The following SMARCD2 variants were observed in gnomAD, a reference collection of about 807,000 sequenced individuals.
SMARCD2 encodes SWI/SNF-related matrix-associated actin-dependent regulator of chromatin subfamily D member 2.
In SMARCD2, 39 loss-of-function variants were observed where a neutral mutation model predicts 70.4. The observed-to-expected ratio is 0.55, with a 90% confidence interval of 0.43 to 0.72. SMARCD2 has a LOEUF of 0.72. Ranked by LOEUF, SMARCD2 falls within the 30% of genes least tolerant of loss-of-function variation. The probability of loss-of-function intolerance (pLI) is 0.00; values close to 1 mark genes in which losing one functional copy is unlikely to be tolerated. For synonymous variants in SMARCD2, 249 were observed against 279.4 expected (o/e 0.89, Z 1.08); for missense variants, 540 against 713.4 (o/e 0.76, Z 2.77).
Position 63,837,770 on chromosome 17 carries a change from A to T in SMARCD2, c.217-145T>A. ...TGCTGGAGCCCCAGGAACAAAGGGG[A>T]GTGGGCGCCTGAGCACAGAGTGTAA... On this transcript the variant is annotated intron_variant, in intron 1 of 12. Coordinates refer to ENST00000448276, the MANE Select transcript of SMARCD2 (RefSeq NM_001098426.2). This position sits in a 1 kb window ranked among gnomAD's most constrained non-coding sequence, Gnocchi z 6.4. The T allele has an allele frequency of 1.5e-6, 1 of 673,556 alleles. No individual in the cohort carries two copies. The highest frequency in any genetic ancestry group is 2.8e-5 in the East Asian group (1 of 35,634). 41.7% of individuals were successfully genotyped at this position (673,556 alleles called of 1,614,324 possible).
chr17:63,837,705 C>T lies in SMARCD2; in HGVS notation c.217-80G>A. The T allele has an allele frequency of 8.2e-7, 1 of 1,221,816 alleles. No homozygotes were observed. Among genetic ancestry groups the T allele is most frequent in the Admixed American group, 2.3e-5 (1 of 43,198 alleles). 75.7% of individuals were successfully genotyped at this position (1,221,816 alleles called of 1,614,324 possible). On this transcript the variant is annotated intron_variant, in intron 1 of 12. Coordinates refer to ENST00000448276, the MANE Select transcript of SMARCD2 (RefSeq NM_001098426.2). This position sits in a 1 kb window ranked among gnomAD's most constrained non-coding sequence, Gnocchi z 6.4. ...CCCATAGCCCATGCCCTCCATCCCT[C>T]TCGTCAGCCAGGTAGGGCCTGAGCA...
At position 63,834,736 on chromosome 17, in the gene SMARCD2, T is replaced by A; in HGVS notation, c.788A>T (p.Glu263Val). ...FKSLVIELDK[E>V]LYGPDNHLVE... is the part of the protein sequence containing the mutation. ...CAGGTGATTGTCAGGCCCGTACAGC[T>A]CCTTGTCCAGCTCAATGACGAGGCT... The change falls in exon 6 of 13, where the codon GAG (glutamate) becomes GTG (valine). Residue 263 changes from glutamate to valine, a missense_variant. By Grantham distance (121) the Glu-to-Val change is moderately radical. Transcript: ENST00000448276. This position sits in a 1 kb window ranked among gnomAD's most constrained non-coding sequence, Gnocchi z 5.6. The A allele has an allele frequency of 6.2e-7, 1 of 1,613,762 alleles. No homozygotes were observed.
rs544776470 is a variant in SMARCD2, at chr17:63,833,882, C to G, written c.1181+27G>C. ...AAGGGTGAATCTGCTCTTAGAAGAG[C>G]CTTCCTGTCCCCCTCCTTGCATTTA... is the stretch of plus-strand genomic sequence containing the variant. On this transcript the variant is annotated intron_variant, in intron 9 of 12. Transcript: ENST00000448276. This position sits in a 1 kb window ranked among gnomAD's most constrained non-coding sequence, Gnocchi z 4.3. 75 of 1,566,912 alleles carry G rather than the reference C, an allele frequency of 4.8e-5. No homozygotes were observed. The highest frequency in any genetic ancestry group is 3.8e-4 in the Admixed American group (23 of 59,760).
chr17:63,833,043 G>T lies in SMARCD2; in HGVS notation c.1542+26C>A. On this transcript the variant is annotated intron_variant, in intron 12 of 12. Coordinates refer to ENST00000448276, the MANE Select transcript of SMARCD2 (RefSeq NM_001098426.2). This position sits in a 1 kb window ranked among gnomAD's most constrained non-coding sequence, Gnocchi z 4.3. ...CAGGCCTTTGCTACTCACGGCCAAA[G>T]GAGGGAAAACAGGGCAGAGCCTCAC... is the stretch of plus-strand genomic sequence containing the variant. 1 of 1,587,592 alleles carries T rather than the reference G, an allele frequency of 6.3e-7. No individual in the cohort carries two copies. Among genetic ancestry groups the T allele is most frequent in the East Asian group, 2.3e-5 (1 of 43,630 alleles).
chr17:63,842,401 G>A, intron 1 of SMARCD2, 58 bp downstream of exon 1: 1 of 1,293,590 alleles, frequency 7.7e-7, no homozygotes, highest in Non-Finnish European at 9.8e-7. Flanking sequence ...TTCAGCCGCC[G>A]GCCCGGGCGC....
chr17:63,836,960 G>A lies in SMARCD2; in HGVS notation c.529C>T (p.Arg177Trp), dbSNP rs761569474. 3.1e-6 allele frequency: 5 copies of A among 1,613,866 alleles called. No homozygotes were observed. The highest frequency in any genetic ancestry group is 2.2e-5 in the East Asian group (1 of 44,886). ...TTGATGGCCTCCTGGATCTCCATCCGCTTGCGAGCAATGGTCTGGTCCAGC... is the reference window on the plus strand; with the variant it reads ...TTGATGGCCTCCTGGATCTCCATCCACTTGCGAGCAATGGTCTGGTCCAGC... ...RKLDQTIARKRMEIQEAIKKP... is the reference protein window; with the variant it reads ...RKLDQTIARKWMEIQEAIKKP... The change falls in exon 4 of 13, where the codon CGG becomes TGG. Residue 177 changes from arginine (R) to tryptophan (W), a missense_variant. Coordinates refer to ENST00000448276, the MANE Select transcript of SMARCD2 (RefSeq NM_001098426.2).
In SMARCD2 at chr17:63,834,877, A is replaced by C; in HGVS notation, c.724-77T>G. ...GCTATGCTAAATCCCAAGAAAGAGA[A>C]GCCCCATTTCAGCCCTGGAGCTCCG... On this transcript the variant is annotated intron_variant, in intron 5 of 12. Coordinates refer to ENST00000448276, the MANE Select transcript of SMARCD2 (RefSeq NM_001098426.2). The surrounding 1 kb of genome is among the most constrained non-coding windows in gnomAD (Gnocchi z 5.6). The C allele has an allele frequency of 1.9e-6, 2 of 1,071,606 alleles. No individual in the cohort carries two copies. The highest frequency in any genetic ancestry group is 2.9e-6 in the Non-Finnish European group (2 of 695,354). The allele number at this position is 1,071,606 out of a possible 1,614,324, so 66.4% of individuals were successfully genotyped here.
At chr17:63,842,125 T>G (rs559700334) in intron 1 of SMARCD2, among the ~76,000 whole-genome samples, 1 of 152,062 alleles carries the variant, frequency 6.6e-6, no homozygotes, top group African/African-American at 2.4e-5. Flanking sequence ...AACTTTCTCA[T>G]CACTTTCCAG....
In SMARCD2 at chr17:63,834,077, G is replaced by C; in HGVS notation, c.1084-71C>G. ...GAGTGGACCATTCCAGGACCAGTGA[G>C]GGCAGCAGTCTGCAGGCTGTGGCCA... On this transcript the variant is annotated intron_variant, in intron 8 of 12. Transcript: ENST00000448276. The surrounding 1 kb of genome is among the most constrained non-coding windows in gnomAD (Gnocchi z 5.6). 6.3e-7 allele frequency: 1 copy of C among 1,590,322 alleles called. No homozygotes were observed. The highest frequency in any genetic ancestry group is 8.6e-7 in the Non-Finnish European group (1 of 1,159,356).
chr17:63,833,392 T>G lies in SMARCD2; in HGVS notation c.1346A>C (p.Gln449Pro). ...CATGAAATCTCTCTGGGTCTTCAGC[T>G]GGTTGATGGACTCAATGGTCTCATG... ...KIHETIESIN[Q>P]LKTQRDFMLS... The change falls in exon 11 of 13, where the codon CAG (glutamine) becomes CCG (proline). Residue 449 changes from glutamine to proline, a missense_variant. Physicochemically the swap from Gln to Pro is moderately conservative, Grantham distance 76. Coordinates refer to ENST00000448276, the MANE Select transcript of SMARCD2 (RefSeq NM_001098426.2). The surrounding 1 kb of genome is among the most constrained non-coding windows in gnomAD (Gnocchi z 4.3). 1 of 1,614,024 alleles carries G rather than the reference T, an allele frequency of 6.2e-7. No individual in the cohort carries two copies. Among genetic ancestry groups the G allele is most frequent in the Non-Finnish European group, 8.5e-7 (1 of 1,179,928 alleles).
rs138813732 is a variant in SMARCD2, at chr17:63,836,882, G to A, written c.567+40C>T. On this transcript the variant is annotated intron_variant, in intron 4 of 12. Transcript: ENST00000448276. ...GGAAAACAAGGGGGTGGAAGGCAAG[G>A]AAACCTGGGAAGGCTAGAGGTGGTC... The A allele has an allele frequency of 9.7e-4, 1,544 of 1,586,898 alleles. 8 individuals carry two copies. The African/African-American group carries it at 0.017, about 18-fold the overall frequency.
Position 63,832,218 on chromosome 17 carries a change from C to T in SMARCD2, c.*720G>A. The T allele has an allele frequency of 1.8e-6, 1 of 562,078 alleles. No homozygotes were observed. Among genetic ancestry groups the T allele is most frequent in the East Asian group, 3.0e-5 (1 of 32,974 alleles). 34.8% of individuals were successfully genotyped at this position (562,078 alleles called of 1,614,324 possible). Reference sequence around the variant, plus strand: ...GCCTCCCCATTCACCTTACCCTGGCCTCCACATGCACATACCCCATACCTC... The same window carrying T: ...GCCTCCCCATTCACCTTACCCTGGCTTCCACATGCACATACCCCATACCTC... On this transcript the variant is annotated 3_prime_UTR_variant, in exon 13 of 13. Transcript: ENST00000448276.
At chr17:63,842,331 C>G in intron 1 of SMARCD2, 128 bp downstream of exon 1, 1 of 1,183,984 alleles carries the variant, frequency 8.4e-7, no homozygotes, top group South Asian at 2.4e-5. Flanking sequence ...GGTCCCGGCC[C>G]GCCCTCCACC....
rs1219272855 is a variant in SMARCD2 at position 63,832,430 on chromosome 17, C to T, written c.*508G>A. The T allele has an allele frequency of 9.9e-6, 2 of 202,546 alleles. No individual in the cohort carries two copies. The highest frequency in any genetic ancestry group is 1.1e-4 in the Admixed American group (2 of 18,982). The allele number at this position is 202,546 out of a possible 1,614,324, so 12.5% of individuals were successfully genotyped here. ...CCCTGTACAAAAAAAGTGGCTCCCA[C>T]ATAGAAAACTTGCTCCCAAAATAGT... On this transcript the variant is annotated 3_prime_UTR_variant, in exon 13 of 13. Transcript: ENST00000448276.
rs371796713 is a variant in SMARCD2, at chr17:63,833,035, C to G, written c.1542+34G>C. The G allele has an allele frequency of 3.8e-6, 6 of 1,584,876 alleles. No homozygotes were observed. The highest frequency in any genetic ancestry group is 5.1e-6 in the Non-Finnish European group (6 of 1,166,414). On this transcript the variant is annotated intron_variant, in intron 12 of 12. Transcript: ENST00000448276. The surrounding 1 kb of genome is among the most constrained non-coding windows in gnomAD (Gnocchi z 4.3). ...AAGTGGCTCAGGCCTTTGCTACTCA[C>G]GGCCAAAGGAGGGAAAACAGGGCAG...
chr17:63,841,634 G>A (rs1018028195), intron 1 of SMARCD2, among the ~76,000 whole-genome samples: 56 of 152,346 alleles, frequency 3.7e-4, no homozygotes, highest in African/African-American at 1.2e-3. Context: ...TTTTGAAGCT[G>A]CAATCTGAGC....
intron 1 of SMARCD2, chr17:63,838,841 C>G (rs981096420): frequency 1.4e-5 from 17 of 1,254,508 alleles, no homozygotes; most frequent in Admixed American, 4.0e-5. Context: ...GACCCTCCCC[C>G]ACCCCAGCAT....
rs2040198565 is a variant in SMARCD2 at position 63,832,142 on chromosome 17, C to G, written c.*796G>C. ...CTGCCAGATGTGGCACTCGCCAAGC[C>G]CTAGGCCCACCCTCCTCACCAAGCT... is the stretch of plus-strand genomic sequence containing the variant. On this transcript the variant is annotated 3_prime_UTR_variant, in exon 13 of 13. Coordinates refer to ENST00000448276, the MANE Select transcript of SMARCD2 (RefSeq NM_001098426.2). The G allele has an allele frequency of 3.0e-6, 2 of 673,964 alleles. No homozygotes were observed. The highest frequency in any genetic ancestry group is 5.1e-5 in the Admixed American group (2 of 39,482). 41.7% of individuals were successfully genotyped at this position (673,964 alleles called of 1,614,324 possible).
rs1263344287 is a variant in SMARCD2 at position 63,834,000 on chromosome 17, T to C, written c.1090A>G (p.Ser364Gly). The change falls in exon 9 of 13, where the codon AGT becomes GGT. Residue 364 changes from serine to glycine, a missense_variant. Physicochemically the swap from Ser to Gly is moderately conservative, Grantham distance 56. Transcript: ENST00000448276. The surrounding 1 kb of genome is among the most constrained non-coding windows in gnomAD (Gnocchi z 4.3). ...TCGGAGAAACGGAGTCGGCCACAAC[T>C]GAAGATCTGGAGGAAATACGAAAGG... The part of the protein sequence containing the change: ...NCNRYFRQIF[S>G]CGRLRFSEIP... 6.2e-7 allele frequency: 1 copy of C among 1,613,588 alleles called. No homozygotes were observed. The highest frequency in any genetic ancestry group is 1.1e-5 in the South Asian group (1 of 91,080).
Sources: allele counts gnomAD v4.1 joint callset (sites outside exome capture counted in the v4.1 genomes callset), GRCh38; gene constraint gnomAD v4.1.1; non-coding constraint Gnocchi (gnomAD v3.1); transcripts MANE v1.5; gene names NCBI Gene and HGNC (gene_info 2026-07-23, HGNC 2026-07-21).